Variants in MPZL1 observed in about 807,000 individuals in gnomAD.
MPZL1 encodes myelin protein zero-like protein 1.
In MPZL1, 16 loss-of-function variants were observed where a neutral mutation model predicts 29.3. The ratio of observed to expected loss-of-function variants is 0.55; its 90% confidence interval spans 0.37 to 0.83. The LOEUF (loss-of-function observed/expected upper bound fraction) is 0.83. MPZL1 is among the 40% of genes least tolerant of loss of function. The pLI, the probability that MPZL1 is intolerant of heterozygous loss-of-function variation, is 0.00. For synonymous variants in MPZL1, 143 were observed against 132.0 expected, an observed-to-expected ratio of 1.08 and a Z score of -0.57; for missense variants, 279 against 332.9, an observed-to-expected ratio of 0.84 and a Z score of 1.26.
intron 1 of MPZL1, among the ~76,000 whole-genome samples, chr1:167,723,671 TAGA>T: frequency 6.6e-6 from 1 of 152,318 alleles, no homozygotes; most frequent in East Asian, 1.9e-4. Flanking sequence ...GTATTAAACG[TAGA>T]AGGAGTGCAA....
At chr1:167,782,319 T>G (rs766988531) in intron 5 of MPZL1, among the ~76,000 whole-genome samples, 11 of 152,186 alleles carry the variant, frequency 7.2e-5, no homozygotes, top group Non-Finnish European at 1.3e-4. Context: ...ACCTCAAAAC[T>G]GATAATTCCA....
intron 1 of MPZL1, among the ~76,000 whole-genome samples, chr1:167,741,732 T>C (rs551427318): frequency 6.6e-6 from 1 of 152,088 alleles, no homozygotes; most frequent in African/African-American, 2.4e-5. Flanking sequence ...CATTTTGTTG[T>C]TTAAAACCCT....
rs146968580 is a variant in MPZL1 at position 167,765,693 on chromosome 1, G to C, written c.202G>C (p.Gly68Arg). ...GTTCAAGTCTACTAGTACGACTGGC[G>C]GGTTGACCTCAGTCTCCTGGAGCTT... ...CKFKSTSTTG[G>R]LTSVSWSFQP... The change falls in exon 2 of 6, where the codon GGG becomes CGG. Residue 68 changes from glycine (G) to arginine (R), a missense_variant. Transcript: ENST00000359523. The C allele has an allele frequency of 1.9e-6, 3 of 1,613,202 alleles. No homozygotes were observed. Among genetic ancestry groups the C allele is most frequent in the Non-Finnish European group, 2.5e-6 (3 of 1,179,572 alleles).
chr1:167,781,302 T>A (rs1307454981), intron 5 of MPZL1, among the ~76,000 whole-genome samples: 1 of 152,164 alleles, frequency 6.6e-6, no homozygotes, highest in Non-Finnish European at 1.5e-5. Flanking sequence ...GAATTCTTAC[T>A]CTTTTTAAGT....
chr1:167,759,651 A>G (rs2101775853), intron 1 of MPZL1, among the ~76,000 whole-genome samples: 1 of 152,274 alleles, frequency 6.6e-6, no homozygotes, highest in Middle Eastern at 3.4e-3. Flanking sequence ...AGTTTTAAGC[A>G]AGGATCTTCA....
chr1:167,785,639 T>TAC (rs1161644599), intron 5 of MPZL1, among the ~76,000 whole-genome samples: 1 of 152,234 alleles, frequency 6.6e-6, no homozygotes, highest in Non-Finnish European at 1.5e-5. Context: ...CCCATGAACA[T>TAC]ACCCTAAAAC....
chr1:167,746,021 T>C (rs192025646), intron 1 of MPZL1, among the ~76,000 whole-genome samples: 2 of 152,230 alleles, frequency 1.3e-5, no homozygotes, highest in African/African-American at 4.8e-5. Flanking sequence ...TGTCTTCAAT[T>C]ACATGAACTA....
At chr1:167,731,149 A>G (rs1341395636) in intron 1 of MPZL1, among the ~76,000 whole-genome samples, 1 of 152,150 alleles carries the variant, frequency 6.6e-6, no homozygotes, top group African/African-American at 2.4e-5. Flanking sequence ...AAGACCAGAA[A>G]ATGGGCCGGG....
At position 167,760,360 on chromosome 1, in the gene MPZL1, A is replaced by AT. The variant is rs1553255518; in HGVS notation, c.92-5223_92-5222insT. 3.2e-3 allele frequency among the ~76,000 whole-genome samples: 486 copies of AT among 152,014 alleles called. 1 individual carries two copies. Among genetic ancestry groups the AT allele is most frequent in the South Asian group, 0.019 (94 of 4,824 alleles). ...TGGTACTACAGGCGCCCGCCACCAC[A>AT]CCAGCTAATTCTTTTGTATTTTTAG... On this transcript the variant is annotated intron_variant, in intron 1 of 5. Transcript: ENST00000359523.
intron 2 of MPZL1, among the ~76,000 whole-genome samples, chr1:167,769,979 G>A (rs1661203240): frequency 6.6e-6 from 1 of 152,176 alleles, no homozygotes; most frequent in South Asian, 2.1e-4. Flanking sequence ...GTTTTGGAAA[G>A]AAACAGTAGC....
At chr1:167,733,443 TG>T (rs1660310096) in intron 1 of MPZL1, among the ~76,000 whole-genome samples, 1 of 152,186 alleles carries the variant, frequency 6.6e-6, no homozygotes, top group Admixed American at 6.5e-5. Flanking sequence ...CACAGTCATG[TG>T]GTGAAAGGTG....
chr1:167,758,043 A>G (rs779936782), intron 1 of MPZL1, among the ~76,000 whole-genome samples: 2 of 151,984 alleles, frequency 1.3e-5, no homozygotes, highest in Non-Finnish European at 2.9e-5. Context: ...GGTCCCAGCT[A>G]TTCAGGAGGC....
At chr1:167,763,197 G>A (rs889025236) in intron 1 of MPZL1, among the ~76,000 whole-genome samples, 2 of 152,086 alleles carry the variant, frequency 1.3e-5, no homozygotes, top group Admixed American at 6.5e-5. Flanking sequence ...GCTAGGCCTC[G>A]AGGAAGGGAT....
intron 1 of MPZL1, among the ~76,000 whole-genome samples, chr1:167,724,259 G>A (rs751097532): frequency 3.2e-4 from 49 of 152,190 alleles, no homozygotes; most frequent in Non-Finnish European, 5.9e-4. Context: ...TCAGTATAGT[G>A]GGAGGTTGGA....
At chr1:167,751,842 AT>A (rs1190110014) in intron 1 of MPZL1, among the ~76,000 whole-genome samples, 3 of 152,110 alleles carry the variant, frequency 2.0e-5, no homozygotes, top group African/African-American at 7.2e-5. Flanking sequence ...AAATTTTTCT[AT>A]TTTTCCAGTA....
At chr1:167,731,210 G>A (rs114968192) in intron 1 of MPZL1, among the ~76,000 whole-genome samples, 6,733 of 152,124 alleles carry the variant, frequency 0.044, 205 homozygotes, top group Middle Eastern at 0.13. Context: ...TGAGGTGGAC[G>A]GATCATTTGA....
In MPZL1 at chr1:167,744,931, C is replaced by A. The variant is rs562133204; in HGVS notation, c.92-20652C>A. On this transcript the variant is annotated intron_variant, in intron 1 of 5. Coordinates refer to ENST00000359523, the MANE Select transcript of MPZL1 (RefSeq NM_003953.6). ...CGGATGGATCCACTACTTCTCCCCC[C>A]ACTGCAAAATTTGGTTAAGATGTGG... Among the ~76,000 whole-genome samples the A allele has an allele frequency of 1.1e-3, 162 of 152,274 alleles. 1 individual carries two copies. Among genetic ancestry groups the A allele is most frequent in the Non-Finnish European group, 1.8e-3 (122 of 68,022 alleles).
intron 1 of MPZL1, among the ~76,000 whole-genome samples, chr1:167,754,446 C>G (rs1476071): frequency 0.75 from 113,574 of 152,162 alleles, 42,851 homozygotes; most frequent in African/African-American, 0.84. Context: ...CACCAATGTC[C>G]TGTTAACTCA....
chr1:167,746,143 C>G (rs1315239288), intron 1 of MPZL1, among the ~76,000 whole-genome samples: 1 of 151,990 alleles, frequency 6.6e-6, no homozygotes, highest in South Asian at 2.1e-4. Flanking sequence ...GTGGTGATTG[C>G]CTTGGAGTTG....
Sources: gnomAD v4.1 joint callset for allele counts (sites outside exome capture counted in the v4.1 genomes callset) on GRCh38, gnomAD v4.1.1 for gene constraint, MANE v1.5 for transcripts, NCBI Gene and HGNC (gene_info 2026-07-23, HGNC 2026-07-21) for gene names.